Variants in ZNF592 observed in about 807,000 individuals in gnomAD.
ZNF592 encodes the protein spinocerebellar ataxia, autosomal recessive 5.
Under a neutral mutation model 80.3 loss-of-function variants are expected in ZNF592, and 11 were observed. That is an observed-to-expected ratio of 0.14 (90% confidence interval 0.09 to 0.23). The LOEUF is 0.23. Ranked by LOEUF, ZNF592 falls within the 10% of genes least tolerant of loss-of-function variation. The pLI is 1.00. For missense variants in ZNF592, 1,420 were observed against 1,633.9 expected (o/e 0.87, Z 2.26); for synonymous variants, 646 against 640.3 (o/e 1.01, Z -0.13).
In ZNF592 at chr15:84,790,828, T is replaced by A; in HGVS notation, c.2344T>A (p.Phe782Ile). ...TGGGGTCCTCTGCCGCTCTGCCTAC[T>A]TCCAGACCCATGTAAAGGAGAATTG... ...ECGVLCRSAY[F>I]QTHVKENCLH... Residue 782 changes from phenylalanine (F) to isoleucine (I), a missense_variant, in exon 5 of 11, where the codon TTC (phenylalanine) becomes ATC (isoleucine). Physicochemically the swap from Phe to Ile is conservative, Grantham distance 21. This residue lies in a region of ZNF592 where 524 missense variants were observed against 628.3 expected (regional missense o/e 0.83). Coordinates refer to ENST00000560079, the MANE Select transcript of ZNF592 (RefSeq NM_014630.3). 6.2e-7 allele frequency: 1 copy of A among 1,614,240 alleles called. No homozygotes were observed. Among genetic ancestry groups the A allele is most frequent in the East Asian group, 2.2e-5 (1 of 44,884 alleles).
Position 84,784,711 on chromosome 15 carries a change from C to T in ZNF592, c.2036C>T (p.Ser679Phe), listed in dbSNP as rs1962538452. The T allele has an allele frequency of 2.5e-6, 4 of 1,614,110 alleles. No homozygotes were observed. Among genetic ancestry groups the T allele is most frequent in the Middle Eastern group, 3.3e-4 (2 of 6,062 alleles). The change falls in exon 4 of 11, where the codon TCC (serine) becomes TTC (phenylalanine). Residue 679 changes from serine (S) to phenylalanine (F), a missense_variant. By Grantham distance (155) the Ser-to-Phe change is radical. Transcript: ENST00000560079. The surrounding 1 kb of genome is among the most constrained non-coding windows in gnomAD (Gnocchi z 5.8). ...GCACCAGCAGCCCCAGCCCCTTCATCCTCTCCCAAACATGGCCTCACTTCG... is the reference window on the plus strand; with the variant it reads ...GCACCAGCAGCCCCAGCCCCTTCATTCTCTCCCAAACATGGCCTCACTTCG... ...STAPAAPAPS[S>F]SPKHGLTSGS...
chr15:84,765,535 GTTTTTTTTTT>G (rs71453265), intron 2 of ZNF592, among the ~76,000 whole-genome samples: 1 of 92,280 alleles, frequency 1.1e-5, no homozygotes, highest in South Asian at 4.0e-4. Context: ...TGTTATTATT[GTTTTTTTTTT>G]TTTTTTTTTT....
At chr15:84,757,739 A>G (rs1336990064) in intron 1 of ZNF592, among the ~76,000 whole-genome samples, 29 of 151,214 alleles carry the variant, frequency 1.9e-4, no homozygotes, top group African/African-American at 6.6e-4. Flanking sequence ...GCTCACTGCA[A>G]CCTTCACCTC....
intron 2 of ZNF592, among the ~76,000 whole-genome samples, chr15:84,776,358 TTTTTATTTTGACTATACC>T (rs1263321580): frequency 2.0e-5 from 3 of 152,284 alleles, no homozygotes; most frequent in Non-Finnish European, 4.4e-5. Flanking sequence ...ATGCTGAAAC[TTTTTATTTTGACTATACC>T]TTTTATTTTA....
intron 5 of ZNF592, among the ~76,000 whole-genome samples, chr15:84,795,047 A>G (rs954046018): frequency 2.0e-5 from 3 of 150,932 alleles, no homozygotes; most frequent in Non-Finnish European, 4.4e-5. Flanking sequence ...TTACTTGATA[A>G]TGTAAAAAGC....
intron 2 of ZNF592, among the ~76,000 whole-genome samples, chr15:84,765,727 C>T (rs1228704974): frequency 6.6e-6 from 1 of 151,580 alleles, no homozygotes; most frequent in Non-Finnish European, 1.5e-5. Context: ...TCAGTAGAGA[C>T]GGGGTTTCAC....
chr15:84,802,431 C>T lies in ZNF592; in HGVS notation c.*38C>T, dbSNP rs372790200. 2.9e-4 allele frequency: 459 copies of T among 1,609,396 alleles called. No homozygotes were observed. Among genetic ancestry groups the T allele is most frequent in the Non-Finnish European group, 3.3e-4 (387 of 1,177,462 alleles). ...CAGTGTGCATGGTCAGGGGTGGTGC[C>T]GAAGTGTCTTCCACCTGCCCTGCGG... On this transcript the variant is annotated 3_prime_UTR_variant, in exon 11 of 11. Transcript: ENST00000560079.
At chr15:84,757,550 C>G (rs569725669) in intron 1 of ZNF592, among the ~76,000 whole-genome samples, 8 of 151,930 alleles carry the variant, frequency 5.3e-5, no homozygotes, top group Admixed American at 2.0e-4. Flanking sequence ...GACAGGATCT[C>G]GCTGTGTTGA....
chr15:84,780,497 C>G (rs892216449), intron 3 of ZNF592, among the ~76,000 whole-genome samples: 75 of 152,120 alleles, frequency 4.9e-4, no homozygotes, highest in Admixed American at 4.6e-4. Flanking sequence ...AACATTCGTT[C>G]TGTTCAAAAC....
In ZNF592 at chr15:84,769,406, T is replaced by C. The variant is rs188358558; in HGVS notation, c.-150+4591T>C. ...AAAGATTGATGGTTGGGTTGGGGAT[T>C]GGTGTCTCATGTAGAACGGTCATGG... On this transcript the variant is annotated intron_variant, in intron 2 of 10. Transcript: ENST00000560079. Among the ~76,000 whole-genome samples, 12 of 151,836 alleles carry C rather than the reference T, an allele frequency of 7.9e-5. No homozygotes were observed. The East Asian group carries it at 2.3e-3, about 29-fold the overall frequency.
chr15:84,779,912 C>G (rs967634690), intron 3 of ZNF592, among the ~76,000 whole-genome samples: 1 of 151,822 alleles, frequency 6.6e-6, no homozygotes, highest in Admixed American at 6.6e-5. Context: ...CTCCCACATG[C>G]TTTTTCCAGC....
At chr15:84,769,254 T>C (rs537144310) in intron 2 of ZNF592, among the ~76,000 whole-genome samples, 2 of 152,146 alleles carry the variant, frequency 1.3e-5, no homozygotes, top group Non-Finnish European at 2.9e-5. Flanking sequence ...TCCTTCTTTC[T>C]AATGGTGGAT....
At chr15:84,793,817 C>T (rs1962817902) in intron 5 of ZNF592, among the ~76,000 whole-genome samples, 1 of 152,160 alleles carries the variant, frequency 6.6e-6, no homozygotes, top group African/African-American at 2.4e-5. Context: ...CATGTTGTAG[C>T]ATATATCAGT....
chr15:84,785,864 T>TA (rs1399762695), intron 4 of ZNF592, among the ~76,000 whole-genome samples: 5 of 142,438 alleles, frequency 3.5e-5, no homozygotes, highest in Admixed American at 6.9e-5. Flanking sequence ...TGAGATTCAT[T>TA]TAAAAAAAAA....
In ZNF592 at chr15:84,798,727, C is replaced by T. The variant is rs1452101299; in HGVS notation, c.2876C>T (p.Pro959Leu). 6.2e-7 allele frequency: 1 copy of T among 1,611,630 alleles called. No homozygotes were observed. The highest frequency in any genetic ancestry group is 8.5e-7 in the Non-Finnish European group (1 of 1,179,982). ...TSVAARSSSL[P>L]SGRWGRPEAH... ...GTGGCTGCTCGGAGCAGCTCCCTGC[C>T]TTCTGGCCGCTGGGGTAGGCCTGAA... Residue 959 changes from proline (P) to leucine (L), a missense_variant, in exon 8 of 11, where the codon CCT becomes CTT. By Grantham distance (98) the Pro-to-Leu change is moderately conservative (BLOSUM62 -3). Transcript: ENST00000560079. This position sits in a 1 kb window ranked among gnomAD's most constrained non-coding sequence, Gnocchi z 4.5.
rs532985837 is a variant in ZNF592 at position 84,789,982 on chromosome 15, C to T, written c.2221-723C>T. ...TAGTCTGGTTGTAGTACTTGTACTT[C>T]CCCTGGTTTTCTCCTGGGGCTGGGA... is the stretch of plus-strand genomic sequence containing the variant. On this transcript the variant is annotated intron_variant, in intron 4 of 10. Transcript: ENST00000560079. Among the ~76,000 whole-genome samples the T allele has an allele frequency of 2.6e-5, 4 of 152,308 alleles. No individual in the cohort carries two copies. The South Asian group carries it at 8.3e-4, about 32-fold the overall frequency.
rs9673026 is a variant in ZNF592, at chr15:84,784,411, G to A, written c.1736G>A (p.Arg579Lys). The A allele has an allele frequency of 1.2e-6, 2 of 1,614,116 alleles. No homozygotes were observed. Among genetic ancestry groups the A allele is most frequent in the African/African-American group, 2.7e-5 (2 of 74,938 alleles). Residue 579 changes from arginine to lysine, a missense_variant, in exon 4 of 11, where the codon AGG becomes AAG. By Grantham distance (26) the Arg-to-Lys change is conservative. Transcript: ENST00000560079. This position sits in a 1 kb window ranked among gnomAD's most constrained non-coding sequence, Gnocchi z 5.8. ...AATCTCAGCCCGCCTGCGGACAGCA[G>A]GATCCACGTGCCGGCCAGTGGGTAC... ...APNLSPPADS[R>K]IHVPASGYCC...
chr15:84,799,119 C>T lies in ZNF592; in HGVS notation c.3046C>T (p.Arg1016Trp), dbSNP rs760435265. 8 of 1,614,026 alleles carry T rather than the reference C, an allele frequency of 5.0e-6. No homozygotes were observed. The highest frequency in any genetic ancestry group is 6.8e-6 in the Non-Finnish European group (8 of 1,180,020). The change falls in exon 9 of 11, where the codon CGG (arginine) becomes TGG (tryptophan). Residue 1016 changes from arginine (R) to tryptophan (W), a missense_variant. By Grantham distance (101) the Arg-to-Trp change is moderately radical. Coordinates refer to ENST00000560079, the MANE Select transcript of ZNF592 (RefSeq NM_014630.3). The surrounding 1 kb of genome is among the most constrained non-coding windows in gnomAD (Gnocchi z 4.2). ...TTAGACATTGAAGCGGTACCCATGC[C>T]GGCAGTGTGAACAGTCCTTCCACAC... ...HGRTLKRYPC[R>W]QCEQSFHTPN...
At chr15:84,752,400 A>G (rs914723968) in intron 1 of ZNF592, among the ~76,000 whole-genome samples, 3 of 152,212 alleles carry the variant, frequency 2.0e-5, no homozygotes, top group Non-Finnish European at 2.9e-5. Flanking sequence ...AGCTATTTGA[A>G]ACAGTAAGAA....
Sources: allele counts gnomAD v4.1 joint callset (sites outside exome capture counted in the v4.1 genomes callset), GRCh38; gene constraint gnomAD v4.1.1; regional missense constraint gnomAD v4.1.1; non-coding constraint Gnocchi (gnomAD v3.1); transcripts MANE v1.5; gene names NCBI Gene and HGNC (gene_info 2026-07-23, HGNC 2026-07-21).